Variants in SUGCT observed in about 807,000 individuals in gnomAD.
The protein encoded by SUGCT is succinyl-CoA:glutarate CoA-transferase.
A neutral mutation model predicts 55.0 loss-of-function variants in SUGCT; 41 were observed. The observed-to-expected ratio is 0.74, with a 90% CI of 0.58 to 0.97. The LOEUF (loss-of-function observed/expected upper bound fraction) is 0.97, where lower values mean the gene tolerates loss of function less well. Among genes scored for constraint, SUGCT ranks in the 50% least tolerant of loss-of-function variants. The pLI, the probability that SUGCT is intolerant of heterozygous loss-of-function variation, is 0.00. For missense variants in SUGCT, 568 were observed against 547.8 expected (o/e 1.04, Z -0.37); for synonymous variants, 187 against 200.4 (o/e 0.93, Z 0.56).
intron 3 of SUGCT, 107 bp from the exon 4 acceptor site, chr7:40,188,388 C>T (rs1332596147): frequency 3.0e-5 from 22 of 737,000 alleles, no homozygotes; most frequent in South Asian, 1.2e-4. Flanking sequence ...GAGCAGAGAT[C>T]GTTCCTCTGC....
intron 1 of SUGCT, among the ~76,000 whole-genome samples, chr7:40,138,207 G>A (rs1048564695): frequency 2.6e-5 from 4 of 151,926 alleles, no homozygotes; most frequent in African/African-American, 4.8e-5. Flanking sequence ...CCATATGTAC[G>A]CATTATTTAC....
chr7:40,317,230 C>T (rs1287958609), intron 9 of SUGCT, among the ~76,000 whole-genome samples: 10 of 151,912 alleles, frequency 6.6e-5, no homozygotes, highest in Non-Finnish European at 1.5e-4. Context: ...TTACCTACCC[C>T]ATCTGACAAT....
intron 9 of SUGCT, among the ~76,000 whole-genome samples, chr7:40,371,537 A>G (rs1784295883): frequency 6.6e-6 from 1 of 152,154 alleles, no homozygotes; most frequent in Non-Finnish European, 1.5e-5. Context: ...AACAGAGAAA[A>G]CAAATTCATT....
intron 12 of SUGCT, among the ~76,000 whole-genome samples, chr7:40,673,564 C>G (rs1392542524): frequency 1.3e-5 from 2 of 152,164 alleles, no homozygotes; most frequent in African/African-American, 4.8e-5. Flanking sequence ...GAATGAAACT[C>G]TCTGTGAGGA....
chr7:40,960,681 A>C, the SUGCT span, among the ~76,000 whole-genome samples: 3 of 152,170 alleles, frequency 2.0e-5, no homozygotes, highest in Non-Finnish European at 4.4e-5. Context: ...TAACTTTTTC[A>C]ATTTGTTGTT....
At chr7:40,738,486 G>A (rs1334486586) in intron 12 of SUGCT, among the ~76,000 whole-genome samples, 2 of 152,144 alleles carry the variant, frequency 1.3e-5, no homozygotes, top group Non-Finnish European at 2.9e-5. Context: ...TAGAAAGGTT[G>A]CATATATATA....
chr7:40,503,175 C>T (rs184225906), intron 12 of SUGCT, among the ~76,000 whole-genome samples: 3 of 152,124 alleles, frequency 2.0e-5, no homozygotes, highest in South Asian at 2.1e-4. Context: ...CAATATTAAC[C>T]TTGATTGAGA....
intron 12 of SUGCT, among the ~76,000 whole-genome samples, chr7:40,665,334 C>T (rs1035830251): frequency 1.7e-4 from 26 of 151,788 alleles, no homozygotes; most frequent in Middle Eastern, 3.4e-3. Context: ...CCCAGCTACT[C>T]GGGAGGCTGA....
intron 7 of SUGCT, among the ~76,000 whole-genome samples, chr7:40,242,933 A>ATATATATATATATATGTATATTTTT (rs1270335224): frequency 3.5e-4 from 6 of 17,202 alleles, no homozygotes; most frequent in African/African-American, 9.1e-4. Flanking sequence ...ATATATATAT[A>ATATATATATATATATGTATATTTTT]TTTTTTTTTT....
chr7:40,233,435 T>C lies in SUGCT; in HGVS notation c.485-4200T>C, dbSNP rs896139438. ...AGGGTTACACCATGTTGGACAGGCT[T>C]GTCTTGAGCTCCTGACCTAGTGATC... is the stretch of plus-strand genomic sequence containing the variant. On this transcript the variant is annotated intron_variant, in intron 6 of 13. Coordinates refer to ENST00000335693, the MANE Select transcript of SUGCT (RefSeq NM_001193313.2). Among the ~76,000 whole-genome samples the C allele has an allele frequency of 2.6e-5, 4 of 152,130 alleles. No individual in the cohort carries two copies. In the South Asian group the frequency reaches 6.2e-4, roughly 24 times the overall value.
the SUGCT span, among the ~76,000 whole-genome samples, chr7:40,866,785 C>A: frequency 1.3e-5 from 2 of 152,076 alleles, no homozygotes; most frequent in African/African-American, 4.8e-5. Context: ...GCCCAGCATG[C>A]AGGCCAGAGG....
chr7:40,461,095 G>A (rs1033027112), intron 11 of SUGCT, among the ~76,000 whole-genome samples: 5 of 152,070 alleles, frequency 3.3e-5, no homozygotes, highest in African/African-American at 9.7e-5. Context: ...CTTCTAGCAC[G>A]TCTCTCTTCC....
intron 11 of SUGCT, among the ~76,000 whole-genome samples, chr7:40,479,351 A>G (rs1790894070): frequency 6.6e-6 from 1 of 152,140 alleles, no homozygotes; most frequent in Non-Finnish European, 1.5e-5. Context: ...TTGTTTAGAT[A>G]TGTTTAGACA....
At chr7:40,253,941 A>C (rs1298275152) in intron 7 of SUGCT, among the ~76,000 whole-genome samples, 2 of 152,234 alleles carry the variant, frequency 1.3e-5, no homozygotes, top group Non-Finnish European at 2.9e-5. Flanking sequence ...GACTGAATTG[A>C]CTGCTCAGTT....
intron 12 of SUGCT, among the ~76,000 whole-genome samples, chr7:40,605,068 C>T (rs570278109): frequency 3.7e-4 from 57 of 152,344 alleles, no homozygotes; most frequent in African/African-American, 1.3e-3. Flanking sequence ...CAGCGCCTGG[C>T]TTAAAGAATT....
chr7:40,796,676 C>T (rs997396658), intron 13 of SUGCT, among the ~76,000 whole-genome samples: 1 of 152,110 alleles, frequency 6.6e-6, no homozygotes, highest in African/African-American at 2.4e-5. Flanking sequence ...AGATTTGAAC[C>T]CAACTTTTTC....
At chr7:40,485,019 ATACT>A (rs747090957) in intron 11 of SUGCT, among the ~76,000 whole-genome samples, 27 of 152,300 alleles carry the variant, frequency 1.8e-4, no homozygotes, top group Non-Finnish European at 1.0e-4. Context: ...GATGGTATTA[ATACT>A]TACCCCACAG....
At chr7:41,032,974 G>A in the SUGCT span, among the ~76,000 whole-genome samples, 1 of 152,170 alleles carries the variant, frequency 6.6e-6, no homozygotes, top group Non-Finnish European at 1.5e-5. Context: ...ATGTTGGCCA[G>A]GATGGTCTCG....
intron 12 of SUGCT, among the ~76,000 whole-genome samples, chr7:40,565,434 G>A (rs1220737706): frequency 6.6e-6 from 1 of 152,162 alleles, no homozygotes; most frequent in Non-Finnish European, 1.5e-5. Context: ...AGTTTCTGCT[G>A]GGGCATAGGC....
Sources: allele counts gnomAD v4.1 joint callset (sites outside exome capture counted in the v4.1 genomes callset), GRCh38; gene constraint gnomAD v4.1.1; transcripts MANE v1.5; gene names NCBI Gene and HGNC (gene_info 2026-07-23, HGNC 2026-07-21).